The following PIK3C2B variants were observed in gnomAD, a reference collection of about 807,000 sequenced individuals.
PIK3C2B encodes phosphatidylinositol 4-phosphate 3-kinase C2 domain-containing subunit beta.
In PIK3C2B, 83 loss-of-function variants were observed where a neutral mutation model predicts 184.3. That is an observed-to-expected ratio of 0.45 (90% CI 0.38 to 0.54). PIK3C2B has a LOEUF of 0.54. PIK3C2B is among the 20% of genes least tolerant of loss of function. The pLI is 0.00. For missense variants in PIK3C2B, 1,736 were observed against 2,113.5 expected, an observed-to-expected ratio of 0.82 and a Z score of 3.50; for synonymous variants, 779 against 837.6, an observed-to-expected ratio of 0.93 and a Z score of 1.21.
rs763035178 is a variant in PIK3C2B, at chr1:204,464,509, T to C, written c.1130A>G (p.Asn377Ser). The C allele has an allele frequency of 1.9e-6, 3 of 1,614,074 alleles. No homozygotes were observed. In the East Asian group the frequency reaches 6.7e-5, roughly 36 times the overall value. ...PSPEHLGDEV[N>S]LKVTVLCDRL... The stretch of plus-strand genomic sequence containing the variant: ...GTCACACAACACAGTCACCTTCAGG[T>C]TGACCTCATCCCCGAGGTGCTCTGG... Residue 377 changes from asparagine to serine, a missense_variant, in exon 4 of 33, where the codon AAC becomes AGC. Asn to Ser is a conservative substitution (Grantham distance 46). Transcript: ENST00000684373.
In PIK3C2B at chr1:204,457,075, T is replaced by A; in HGVS notation, c.1714-5A>T. 1 of 1,561,302 alleles carries A rather than the reference T, an allele frequency of 6.4e-7. No individual in the cohort carries two copies. The highest frequency in any genetic ancestry group is 8.7e-7 in the Non-Finnish European group (1 of 1,151,468). On this transcript the variant is annotated splice_region_variant and splice_polypyrimidine_tract_variant and intron_variant, in intron 9 of 32. Coordinates refer to ENST00000684373, the MANE Select transcript of PIK3C2B (RefSeq NM_001377334.1). ...CACAGCCAAGACACTGGGATCCTGT[T>A]GGGAAAAAGAAGAGGGAGGGGAGCT...
At chr1:204,479,611 T>C (rs1454032416) in intron 1 of PIK3C2B, among the ~76,000 whole-genome samples, 5 of 151,870 alleles carry the variant, frequency 3.3e-5, no homozygotes, top group African/African-American at 1.2e-4. Context: ...ATGGGTGGAG[T>C]TAGAGACGAA....
chr1:204,483,389 C>A (rs1184602417), intron 1 of PIK3C2B, among the ~76,000 whole-genome samples: 1 of 147,674 alleles, frequency 6.8e-6, no homozygotes, highest in African/African-American at 2.5e-5. Context: ...AACCCTGACT[C>A]AAAAAAAAAA....
Position 204,469,758 on chromosome 1 carries a change from C to T in PIK3C2B, c.45G>A (p.Glu15=). 1 of 1,614,070 alleles carries T rather than the reference C, an allele frequency of 6.2e-7. No individual in the cohort carries two copies. The change falls in exon 2 of 33, where the codon GAG becomes GAA. Residue 15 remains glutamate, a synonymous_variant. Coordinates refer to ENST00000684373, the MANE Select transcript of PIK3C2B (RefSeq NM_001377334.1). Reference sequence around the variant, plus strand: ...GCTCTTTGCGGCTGATGCCCACTGACTCCAGGGACTTCCAGTGTTCCCCAT... The same window carrying T: ...GCTCTTTGCGGCTGATGCCCACTGATTCCAGGGACTTCCAGTGTTCCCCAT... ...QGNGEHWKSL[E]SVGISRKELA... is the part of the protein sequence containing the mutation.
rs34501643 is a variant in PIK3C2B at position 204,489,484 on chromosome 1, T to TA, written c.-85+4871dup. On this transcript the variant is annotated intron_variant, in intron 1 of 32. Coordinates refer to ENST00000684373, the MANE Select transcript of PIK3C2B (RefSeq NM_001377334.1). ...TATTCCTGGCCCCTATCTTTTAATT[T>TA]AAAAAAAAAAAAAAATCTGCCTCCT... is the stretch of plus-strand genomic sequence containing the variant. Among the ~76,000 whole-genome samples, 1,112 of 146,604 alleles carry TA rather than the reference T, an allele frequency of 7.6e-3. 11 individuals carry two copies. The highest frequency in any genetic ancestry group is 0.025 in the African/African-American group (967 of 39,358).
chr1:204,479,193 C>A (rs1485213225), intron 1 of PIK3C2B, among the ~76,000 whole-genome samples: 1 of 152,164 alleles, frequency 6.6e-6, no homozygotes, highest in Non-Finnish European at 1.5e-5. Flanking sequence ...TATTTCTAAC[C>A]CAGGAATCAT....
Position 204,424,972 on chromosome 1 carries a change from C to G in PIK3C2B, c.4785G>C (p.Glu1595Asp). Residue 1595 changes from glutamate to aspartate, a missense_variant, in exon 33 of 33, where the codon GAG becomes GAC. Glu to Asp is a conservative substitution (Grantham distance 45). This residue lies in a region of PIK3C2B where 95 missense variants were observed against 164.2 expected (regional missense o/e 0.58). Coordinates refer to ENST00000684373, the MANE Select transcript of PIK3C2B (RefSeq NM_001377334.1). ...GGAGGACGTTCTCCCAGAATCCCTG[C>G]TCACTCAGCACGCTCAGCTGGAGCT... ...QRELQLSVLS[E>D]QGFWENVLLG... The G allele has an allele frequency of 6.2e-7, 1 of 1,614,166 alleles. No homozygotes were observed.
chr1:204,444,022 G>A (rs775217968), intron 18 of PIK3C2B, 46 bp downstream of exon 18: 57 of 1,309,016 alleles, frequency 4.4e-5, no homozygotes, highest in Middle Eastern at 3.6e-4. Context: ...ATACTCCTAC[G>A]TGAAAGACAC....
chr1:204,469,619 C>T lies in PIK3C2B; in HGVS notation c.184G>A (p.Glu62Lys). ...NADPSLISWDEPGVDFYSKPA... is the reference protein window; with the variant it reads ...NADPSLISWDKPGVDFYSKPA... ...TTGCTGTAAAAGTCTACCCCAGGCT[C>T]ATCCCAGCTGATGAGAGAGGGGTCT... is the stretch of plus-strand genomic sequence containing the variant. Residue 62 changes from glutamate (E) to lysine (K), a missense_variant, in exon 2 of 33, where the codon GAG becomes AAG. By Grantham distance (56) the Glu-to-Lys change is moderately conservative. This residue lies in a region of PIK3C2B where 404 missense variants were observed against 418.0 expected (regional missense o/e 0.97). Transcript: ENST00000684373. The T allele has an allele frequency of 1.2e-6, 2 of 1,610,316 alleles. No individual in the cohort carries two copies. The highest frequency in any genetic ancestry group is 1.7e-6 in the Non-Finnish European group (2 of 1,177,888).
intron 29 of PIK3C2B, 106 bp from the exon 30 acceptor site, chr1:204,428,326 C>A (rs1674860286): frequency 1.5e-6 from 1 of 679,332 alleles, no homozygotes; most frequent in Non-Finnish European, 2.6e-6. Flanking sequence ...ATATAACAAC[C>A]AACAACATGC....
chr1:204,429,836 C>G, intron 29 of PIK3C2B, 85 bp downstream of exon 29: 1 of 860,244 alleles, frequency 1.2e-6, no homozygotes, highest in Non-Finnish European at 2.0e-6. Flanking sequence ...TTCCTGACTC[C>G]TAGTGCCTCC....
At chr1:204,475,518 T>C (rs1347294869) in intron 1 of PIK3C2B, among the ~76,000 whole-genome samples, 5 of 152,036 alleles carry the variant, frequency 3.3e-5, no homozygotes, top group Non-Finnish European at 7.4e-5. Context: ...AGATGGGTGG[T>C]CAGGATGTAG....
At chr1:204,493,514 A>G (rs1658147225) in intron 1 of PIK3C2B, among the ~76,000 whole-genome samples, 1 of 90,930 alleles carries the variant, frequency 1.1e-5, no homozygotes. Flanking sequence ...GAGCAAGAGC[A>G]ATGGCAGAAA....
In PIK3C2B at chr1:204,469,028, C is replaced by A. The variant is rs747906677; in HGVS notation, c.775G>T (p.Gly259Cys). 3.7e-6 allele frequency: 6 copies of A among 1,614,030 alleles called. No individual in the cohort carries two copies. The Admixed American group carries it at 6.7e-5, about 18-fold the overall frequency. The change falls in exon 2 of 33, where the codon GGC (glycine) becomes TGC (cysteine). Residue 259 changes from glycine (G) to cysteine (C), a missense_variant. Transcript: ENST00000684373. ...LRDATRGWKE[G>C]RGPLDFSKDT... is the part of the protein sequence containing the mutation. ...TTGCTGAAGTCCAGCGGCCCTCGGC[C>A]CTCCTTCCAGCCCCTGGTGGCATCC...
chr1:204,429,492 T>G (rs975260879), intron 29 of PIK3C2B, among the ~76,000 whole-genome samples: 2 of 152,100 alleles, frequency 1.3e-5, no homozygotes, highest in Admixed American at 6.5e-5. Flanking sequence ...GAAGGGAACA[T>G]GGACAATAGG....
chr1:204,454,497 AAAAG>A (rs1654653416), intron 12 of PIK3C2B, 168 bp downstream of exon 12: 9 of 602,566 alleles, frequency 1.5e-5, no homozygotes, highest in South Asian at 1.3e-4. Context: ...AAAAAAAAAA[AAAAG>A]AGTCAGGGAA....
chr1:204,449,851 G>A lies in PIK3C2B; in HGVS notation c.2233C>T (p.Gln745Ter). 1 of 1,606,878 alleles carries A rather than the reference G, an allele frequency of 6.2e-7. No individual in the cohort carries two copies. Among genetic ancestry groups the A allele is most frequent in the Non-Finnish European group, 8.5e-7 (1 of 1,176,482 alleles). ...AGCTGTACCCTGGGGCTCACATACT[G>A]CCTGAAGTTGAAGAGTGGGGTAGTG... is the stretch of plus-strand genomic sequence containing the variant. Reference protein sequence around the residue: ...WVTTPLFNFRQVLTCGRKLLG... With the variant: ...WVTTPLFNFR Residue 745 changes from glutamine to a stop codon, truncating the protein, a stop_gained and splice_region_variant, in exon 13 of 33, where the codon CAG (glutamine) becomes TAG (stop). Coordinates refer to ENST00000684373, the MANE Select transcript of PIK3C2B (RefSeq NM_001377334.1). LOFTEE classifies it high-confidence loss of function.
chr1:204,444,823 G>T (rs1653709102), intron 16 of PIK3C2B, among the ~76,000 whole-genome samples: 1 of 152,198 alleles, frequency 6.6e-6, no homozygotes, highest in African/African-American at 2.4e-5. Context: ...AATGCAAAAT[G>T]TACCACGCAA....
rs1450260038 is a variant in PIK3C2B at position 204,469,129 on chromosome 1, G to A, written c.674C>T (p.Ser225Phe). ...ATCATTGATACCATCATAGTCCACA[G>A]ACCCCAGTAGGCGCCCCTGACCCCC... Reference protein sequence around the residue: ...GGGGQGRLLGSVDYDGINDAI... With the variant: ...GGGGQGRLLGFVDYDGINDAI... Residue 225 changes from serine (S) to phenylalanine (F), a missense_variant, in exon 2 of 33, where the codon TCT becomes TTT. Around this residue, in one of 8 missense-constraint regions of PIK3C2B, gnomAD observed 404 missense variants for 418.0 expected, o/e 0.97. Coordinates refer to ENST00000684373, the MANE Select transcript of PIK3C2B (RefSeq NM_001377334.1). 1.2e-6 allele frequency: 2 copies of A among 1,614,164 alleles called. No homozygotes were observed. The highest frequency in any genetic ancestry group is 1.7e-6 in the Non-Finnish European group (2 of 1,180,008).
Sources: gnomAD v4.1 joint callset for allele counts (sites outside exome capture counted in the v4.1 genomes callset) on GRCh38, gnomAD v4.1.1 for gene constraint, gnomAD v4.1.1 regional missense constraint, MANE v1.5 for transcripts, NCBI Gene and HGNC (gene_info 2026-07-23, HGNC 2026-07-21) for gene names.